Variants in TRAPPC9 observed in about 807,000 individuals in gnomAD.
TRAPPC9 encodes the protein trafficking protein particle complex subunit 9.
TRAPPC9 carries 83 observed loss-of-function variants against 124.0 expected under a neutral mutation model. That is an observed-to-expected ratio of 0.67 (90% confidence interval 0.56 to 0.80). The LOEUF (loss-of-function observed/expected upper bound fraction) is 0.80. TRAPPC9 is among the 30% of genes least tolerant of loss of function. TRAPPC9 has a pLI of 0.00. For missense variants in TRAPPC9, 1,302 were observed against 1,508.3 expected (o/e 0.86, Z 2.27); for synonymous variants, 638 against 617.5 (o/e 1.03, Z -0.49).
In TRAPPC9 at chr8:140,397,605, T is replaced by C. The variant is rs2069134425; in HGVS notation, c.1134+15A>G. 1.2e-6 allele frequency: 2 copies of C among 1,613,766 alleles called. No individual in the cohort carries two copies. Among genetic ancestry groups the C allele is most frequent in the Non-Finnish European group, 1.7e-6 (2 of 1,179,868 alleles). ...CTGGATGAACTCTTCCACTTACAGG[T>C]AGACATACACTCACCTGTCGAAGGT... On this transcript the variant is annotated intron_variant, in intron 7 of 22. Coordinates refer to ENST00000438773, the MANE Select transcript of TRAPPC9 (RefSeq NM_001160372.4).
At chr8:139,803,290 G>A (rs1823689382) in intron 21 of TRAPPC9, among the ~76,000 whole-genome samples, 1 of 152,238 alleles carries the variant, frequency 6.6e-6, no homozygotes, top group Non-Finnish European at 1.5e-5. Context: ...TCTCAGGAAG[G>A]CAACGTCCGT....
chr8:140,332,972 G>A (rs897121219), intron 9 of TRAPPC9, among the ~76,000 whole-genome samples: 5 of 151,920 alleles, frequency 3.3e-5, no homozygotes, highest in South Asian at 2.1e-4. Context: ...CTAAAAATAC[G>A]AAAATTAGCC....
chr8:140,161,535 A>C (rs576869140), intron 17 of TRAPPC9, among the ~76,000 whole-genome samples: 38 of 152,326 alleles, frequency 2.5e-4, no homozygotes, highest in African/African-American at 8.9e-4. Flanking sequence ...CATAGCCTGA[A>C]GGTAACTGTA....
At chr8:140,132,638 C>T (rs760073272) in intron 17 of TRAPPC9, among the ~76,000 whole-genome samples, 5 of 152,208 alleles carry the variant, frequency 3.3e-5, no homozygotes, top group Middle Eastern at 6.8e-3. Flanking sequence ...CCAAGTGAAC[C>T]GAAAAGACCT....
At chr8:139,903,557 G>A (rs772861061) in intron 20 of TRAPPC9, among the ~76,000 whole-genome samples, 18 of 152,314 alleles carry the variant, frequency 1.2e-4, no homozygotes, top group Admixed American at 3.9e-4. Flanking sequence ...TGCCAGAAGC[G>A]TGTCCCTCCC....
chr8:139,950,810 T>C (rs984126990), intron 19 of TRAPPC9, among the ~76,000 whole-genome samples: 3 of 152,174 alleles, frequency 2.0e-5, no homozygotes, highest in African/African-American at 7.2e-5. Flanking sequence ...AACGGACTGA[T>C]GTAGTGGTTG....
At chr8:140,067,263 C>T (rs1275138479) in intron 17 of TRAPPC9, among the ~76,000 whole-genome samples, 1 of 152,176 alleles carries the variant, frequency 6.6e-6, no homozygotes, top group Non-Finnish European at 1.5e-5. Flanking sequence ...CCCGCCTCAG[C>T]TTCCCAAGTA....
chr8:140,046,846 ACAAG>A lies in TRAPPC9; in HGVS notation c.2557-22771_2557-22768del, dbSNP rs200237763. Reference sequence around the variant, plus strand: ...AGATCTGGGTTCATATCTTAGCTCCACAAGCAACCAACCTGGGCACATTATTTCA... The same window carrying A: ...AGATCTGGGTTCATATCTTAGCTCCACAACCAACCTGGGCACATTATTTCA... On this transcript the variant is annotated intron_variant, in intron 17 of 22. Coordinates refer to ENST00000438773, the MANE Select transcript of TRAPPC9 (RefSeq NM_001160372.4). 3.9e-3 allele frequency among the ~76,000 whole-genome samples: 600 copies of A among 152,252 alleles called. 4 individuals carry two copies. Among genetic ancestry groups the A allele is most frequent in the Middle Eastern group, 0.01 (3 of 294 alleles).
chr8:139,917,276 C>A (rs1172400416), intron 19 of TRAPPC9, among the ~76,000 whole-genome samples: 1 of 146,866 alleles, frequency 6.8e-6, no homozygotes, highest in East Asian at 2.1e-4. Flanking sequence ...CAGGTTCATG[C>A]CATTCTCCAT....
At chr8:140,364,185 C>A (rs922268945) in intron 8 of TRAPPC9, among the ~76,000 whole-genome samples, 11 of 148,330 alleles carry the variant, frequency 7.4e-5, no homozygotes, top group Admixed American at 6.8e-4. Context: ...TAACTGGCCC[C>A]GGGACAGGAA....
chr8:139,819,728 T>G (rs34195891), intron 21 of TRAPPC9, among the ~76,000 whole-genome samples: 20,939 of 151,990 alleles, frequency 0.14, 1,527 homozygotes, highest in Admixed American at 0.2. Flanking sequence ...AAATCTACCA[T>G]CCAGGCCGGG....
chr8:140,234,520 G>A (rs746034230), intron 16 of TRAPPC9, among the ~76,000 whole-genome samples: 2 of 152,132 alleles, frequency 1.3e-5, no homozygotes, highest in South Asian at 2.1e-4. Flanking sequence ...GTAGCAGAGT[G>A]CATGGAATAA....
chr8:139,788,442 C>T lies in TRAPPC9; in HGVS notation c.3056-56240G>A, dbSNP rs193134640. On this transcript the variant is annotated intron_variant, in intron 21 of 22. Transcript: ENST00000438773. The surrounding 1 kb of genome is among the most constrained non-coding windows in gnomAD (Gnocchi z 4.9). ...GATGGCGGCTGCTGGGGAGGGAGAG[C>T]GGGAGCTGCGGAGGATCCCAGCCTG... 2.1e-3 allele frequency among the ~76,000 whole-genome samples: 313 copies of T among 152,320 alleles called. 1 individual carries two copies. The highest frequency in any genetic ancestry group is 6.4e-3 in the African/African-American group (265 of 41,570).
At chr8:139,758,204 C>T (rs1296307249) in intron 21 of TRAPPC9, among the ~76,000 whole-genome samples, 1 of 152,218 alleles carries the variant, frequency 6.6e-6, no homozygotes, top group African/African-American at 2.4e-5. Flanking sequence ...AGGTGCCCAT[C>T]GCTGGACTTG....
At chr8:139,861,224 G>T (rs1241305308) in intron 21 of TRAPPC9, among the ~76,000 whole-genome samples, 1 of 152,242 alleles carries the variant, frequency 6.6e-6, no homozygotes, top group African/African-American at 2.4e-5. Flanking sequence ...CACCTGGACA[G>T]GGGAGGGGAA....
At chr8:140,321,530 C>T (rs985731744) in intron 9 of TRAPPC9, among the ~76,000 whole-genome samples, 1 of 152,186 alleles carries the variant, frequency 6.6e-6, no homozygotes, top group Non-Finnish European at 1.5e-5. Flanking sequence ...AAGGAACAGG[C>T]ATGAGCTAAA....
At chr8:140,425,286 T>A (rs551314804) in intron 5 of TRAPPC9, among the ~76,000 whole-genome samples, 1 of 152,326 alleles carries the variant, frequency 6.6e-6, no homozygotes, top group South Asian at 2.1e-4. Flanking sequence ...CTCCCATTGG[T>A]AAAGAGAAGT....
intron 21 of TRAPPC9, among the ~76,000 whole-genome samples, chr8:139,811,740 C>T (rs74419539): frequency 0.03 from 4,620 of 152,268 alleles, 171 homozygotes; most frequent in East Asian, 0.13. Flanking sequence ...CCTAAATTCA[C>T]CTGACTGATA....
intron 17 of TRAPPC9, among the ~76,000 whole-genome samples, chr8:140,077,507 TC>T (rs1843576967): frequency 6.6e-6 from 1 of 151,872 alleles, no homozygotes; most frequent in South Asian, 2.1e-4. Flanking sequence ...ACCCCAGAGA[TC>T]CCAGCCTGAG....
Sources: gnomAD v4.1 joint callset for allele counts (sites outside exome capture counted in the v4.1 genomes callset) on GRCh38, gnomAD v4.1.1 for gene constraint, Gnocchi (gnomAD v3.1) non-coding constraint, MANE v1.5 for transcripts, NCBI Gene and HGNC (gene_info 2026-07-23, HGNC 2026-07-21) for gene names.